PEX14: variants seen among roughly 807,000 people sequenced by gnomAD.
PEX14 encodes peroxisomal biogenesis factor 14.
A neutral mutation model predicts 49.5 loss-of-function variants in PEX14; 15 were observed. The observed-to-expected ratio is 0.30, with a 90% CI of 0.20 to 0.47. The LOEUF (loss-of-function observed/expected upper bound fraction) is 0.47, where lower values mean the gene tolerates loss of function less well. PEX14 is among the 20% of genes least tolerant of loss of function. The pLI is 1.00. For missense variants in PEX14, 398 were observed against 494.8 expected, an observed-to-expected ratio of 0.80 and a Z score of 1.86; for synonymous variants, 210 against 212.7, an observed-to-expected ratio of 0.99 and a Z score of 0.11.
Position 10,514,187 on chromosome 1 carries a change from T to TGTGC in PEX14, c.84+18869_84+18870insCGTG, listed in dbSNP as rs1379283432. The stretch of plus-strand genomic sequence containing the variant: ...GTGTGTGTGTGTGTGTGTGTGTGTG[T>TGTGC]GTGTGTGTGTGTATGGTGTTAGAAA... On this transcript the variant is annotated intron_variant, in intron 2 of 8. Coordinates refer to ENST00000356607, the MANE Select transcript of PEX14 (RefSeq NM_004565.3). The surrounding 1 kb of genome is among the most constrained non-coding windows in gnomAD (Gnocchi z 4.4). Among the ~76,000 whole-genome samples, 5 of 151,666 alleles carry TGTGC rather than the reference T, an allele frequency of 3.3e-5. No homozygotes were observed. Among genetic ancestry groups the TGTGC allele is most frequent in the African/African-American group, 4.8e-5 (2 of 41,300 alleles).
In PEX14 at chr1:10,512,483, G is replaced by A. The variant is rs114212862; in HGVS notation, c.84+17162G>A. ...AAGGTGGGGTGGATCCCTGATGTTC[G>A]CCTGCTTTGAAGCATAGCAGAATCC... On this transcript the variant is annotated intron_variant, in intron 2 of 8. Coordinates refer to ENST00000356607, the MANE Select transcript of PEX14 (RefSeq NM_004565.3). This position sits in a 1 kb window ranked among gnomAD's most constrained non-coding sequence, Gnocchi z 4.6. Among the ~76,000 whole-genome samples the A allele has an allele frequency of 2.8e-3, 433 of 152,216 alleles. 9 individuals are homozygous for A. The East Asian group carries it at 0.035, about 12-fold the overall frequency.
At chr1:10,513,712 CTATTA>C (rs1371701068) in intron 2 of PEX14, among the ~76,000 whole-genome samples, 2 of 152,178 alleles carry the variant, frequency 1.3e-5, no homozygotes, top group Non-Finnish European at 2.9e-5. Context: ...ATTTAGCTGA[CTATTA>C]TATAGCCCTT....
intron 2 of PEX14, among the ~76,000 whole-genome samples, chr1:10,497,183 G>A (rs1641582516): frequency 1.3e-5 from 2 of 152,100 alleles, no homozygotes; most frequent in Non-Finnish European, 2.9e-5. Flanking sequence ...TGATTAAACG[G>A]GGGCACCAGC....
intron 5 of PEX14, among the ~76,000 whole-genome samples, chr1:10,620,376 C>T (rs186927754): frequency 2.4e-4 from 37 of 151,988 alleles, no homozygotes; most frequent in Middle Eastern, 3.4e-3. Flanking sequence ...CAGCTATACT[C>T]GGGAGGCTGA....
chr1:10,537,830 T>A (rs1638881827), intron 3 of PEX14, among the ~76,000 whole-genome samples: 1 of 151,454 alleles, frequency 6.6e-6, no homozygotes, highest in African/African-American at 2.4e-5. Flanking sequence ...TTTTAATAAA[T>A]CCCTGACTGG....
intron 3 of PEX14, among the ~76,000 whole-genome samples, chr1:10,538,144 C>T (rs754113640): frequency 6.6e-6 from 1 of 152,082 alleles, no homozygotes; most frequent in Non-Finnish European, 1.5e-5. Context: ...TGAAATAGGT[C>T]GGATGTCAGA....
At chr1:10,488,676 T>G (rs1053739676) in intron 1 of PEX14, among the ~76,000 whole-genome samples, 1 of 151,794 alleles carries the variant, frequency 6.6e-6, no homozygotes, top group Non-Finnish European at 1.5e-5. Flanking sequence ...ATTTTTTTTT[T>G]GTATTTTTAG....
intron 3 of PEX14, among the ~76,000 whole-genome samples, chr1:10,564,427 T>C (rs576980082): frequency 6.6e-6 from 1 of 150,836 alleles, no homozygotes; most frequent in South Asian, 2.1e-4. Flanking sequence ...TTGTTTGCAT[T>C]TGATTTTTTT....
At chr1:10,581,952 A>C (rs1640334129) in intron 3 of PEX14, among the ~76,000 whole-genome samples, 1 of 151,778 alleles carries the variant, frequency 6.6e-6, no homozygotes, top group African/African-American at 2.4e-5. Context: ...TTGCTGGTAC[A>C]TAGGAGTGCT....
intron 3 of PEX14, among the ~76,000 whole-genome samples, chr1:10,579,751 G>A (rs1346445764): frequency 2.0e-5 from 3 of 152,134 alleles, no homozygotes; most frequent in African/African-American, 7.2e-5. Context: ...GAGTGTAGCA[G>A]TGAGGACAAC....
intron 2 of PEX14, chr1:10,528,192 T>C: frequency 1.5e-5 from 4 of 273,114 alleles, no homozygotes; most frequent in Non-Finnish European, 2.2e-5. Context: ...CCTTAATGTT[T>C]GAGGTTGCCA....
intron 3 of PEX14, among the ~76,000 whole-genome samples, chr1:10,571,819 C>A (rs1374651634): frequency 6.6e-6 from 1 of 151,884 alleles, no homozygotes; most frequent in East Asian, 1.9e-4. Context: ...AAAAACAAAA[C>A]AAAACAAAAA....
intron 3 of PEX14, among the ~76,000 whole-genome samples, chr1:10,556,420 C>T (rs1395424502): frequency 6.6e-6 from 1 of 152,108 alleles, no homozygotes; most frequent in African/African-American, 2.4e-5. Context: ...TGTTCTTTTT[C>T]CTCTCACGCA....
At chr1:10,559,334 A>G (rs1327052426) in intron 3 of PEX14, among the ~76,000 whole-genome samples, 4 of 152,110 alleles carry the variant, frequency 2.6e-5, no homozygotes, top group East Asian at 1.9e-4. Context: ...TTTTTCATCT[A>G]TTTTATTTTT....
At chr1:10,531,822 C>T (rs2124473790) in intron 2 of PEX14, among the ~76,000 whole-genome samples, 1 of 152,248 alleles carries the variant, frequency 6.6e-6, no homozygotes, top group South Asian at 2.1e-4. Context: ...AGTGCTAAGG[C>T]TCCCTCAAAC....
intron 3 of PEX14, among the ~76,000 whole-genome samples, chr1:10,543,147 TG>T (rs1241099761): frequency 6.6e-6 from 1 of 152,222 alleles, no homozygotes; most frequent in Non-Finnish European, 1.5e-5. Flanking sequence ...TTTCTTTTTT[TG>T]TTTTGAGACG....
intron 4 of PEX14, among the ~76,000 whole-genome samples, chr1:10,614,625 T>C (rs79870396): frequency 0.033 from 5,050 of 152,266 alleles, 295 homozygotes; most frequent in African/African-American, 0.11. Context: ...CTCCAGGTGC[T>C]GGTCAAGCTT....
At chr1:10,591,197 T>C (rs1640654737) in intron 3 of PEX14, among the ~76,000 whole-genome samples, 1 of 152,218 alleles carries the variant, frequency 6.6e-6, no homozygotes, top group African/African-American at 2.4e-5. Flanking sequence ...AAAGAAACAT[T>C]TGGGCAGCCA....
intron 2 of PEX14, among the ~76,000 whole-genome samples, chr1:10,508,945 T>C (rs973769917): frequency 3.4e-5 from 5 of 148,984 alleles, no homozygotes; most frequent in African/African-American, 1.2e-4. Flanking sequence ...CATGCCTCCT[T>C]TTTTTTTTTG....
Sources: allele counts gnomAD v4.1 joint callset (sites outside exome capture counted in the v4.1 genomes callset), GRCh38; gene constraint gnomAD v4.1.1; non-coding constraint Gnocchi (gnomAD v3.1); transcripts MANE v1.5; gene names NCBI Gene and HGNC (gene_info 2026-07-23, HGNC 2026-07-21).